The following MAZ variants were observed in gnomAD, a reference collection of about 807,000 sequenced individuals.
MAZ encodes MYC associated zinc finger protein.
Under a neutral mutation model 32.7 loss-of-function variants are expected in MAZ, and 4 were observed. The ratio of observed to expected loss-of-function variants is 0.12; its 90% CI spans 0.06 to 0.28. The LOEUF (loss-of-function observed/expected upper bound fraction) is 0.28, where lower values mean the gene tolerates loss of function less well. MAZ is among the 10% of genes least tolerant of loss of function. The pLI is 1.00. For missense variants in MAZ, 763 were observed against 667.2 expected, an observed-to-expected ratio of 1.14 and a Z score of -1.58; for synonymous variants, 510 against 297.6, an observed-to-expected ratio of 1.71 and a Z score of -7.35.
rs573562358 is a variant in MAZ, at chr16:29,810,451, C to T, written c.*220C>T. On this transcript the variant is annotated 3_prime_UTR_variant, in exon 5 of 5. Coordinates refer to ENST00000322945, the MANE Select transcript of MAZ (RefSeq NM_002383.4). Reference sequence around the variant, plus strand: ...AGACCTGACCCCACACAAACCTGTCCCCTCGGTTGTGTTGAAGTCCCCTGG... The same window carrying T: ...AGACCTGACCCCACACAAACCTGTCTCCTCGGTTGTGTTGAAGTCCCCTGG... The T allele has an allele frequency of 1.4e-3, 1,027 of 715,906 alleles. 12 individuals are homozygous for T. Among genetic ancestry groups the T allele is most frequent in the South Asian group, 7.2e-3 (484 of 67,638 alleles). 44.3% of individuals were successfully genotyped at this position (715,906 alleles called of 1,614,324 possible).
At chr16:29,809,599 C>A (rs1458870175) in intron 4 of MAZ, 3 of 1,612,284 alleles carry the variant, frequency 1.9e-6, no homozygotes, top group African/African-American at 1.3e-5. Flanking sequence ...GCTCCAGGCC[C>A]CGCGGGCTGA....
At chr16:29,809,007 G>A (rs1368445104) in intron 4 of MAZ, 2 of 557,560 alleles carry the variant, frequency 3.6e-6, no homozygotes, top group Non-Finnish European at 3.1e-6. Flanking sequence ...CTGCTCTGGG[G>A]AAGGAGTAGT....
At position 29,811,005 on chromosome 16, in the gene MAZ, G is replaced by T. The variant is rs546735865; in HGVS notation, c.*774G>T. 93 of 450,672 alleles carry T rather than the reference G, an allele frequency of 2.1e-4. 3 individuals carry two copies. The highest frequency in any genetic ancestry group is 1.4e-3 in the South Asian group (90 of 63,380). The allele number at this position is 450,672 out of a possible 1,614,324, so 27.9% of individuals were successfully genotyped here. Reference sequence around the variant, plus strand: ...TGTCCCCCTCCCCTCTTCCACCCCAGCTCCAGCCCTGGTCTTGTCTTTTCA... The same window carrying T: ...TGTCCCCCTCCCCTCTTCCACCCCATCTCCAGCCCTGGTCTTGTCTTTTCA... On this transcript the variant is annotated 3_prime_UTR_variant, in exon 5 of 5. Transcript: ENST00000322945.
chr16:29,807,017 G>A lies in MAZ; in HGVS notation c.232G>A (p.Ala78Thr). 9.9e-7 allele frequency: 1 copy of A among 1,006,884 alleles called. No homozygotes were observed. The highest frequency in any genetic ancestry group is 1.2e-6 in the Non-Finnish European group (1 of 847,094). 62.4% of individuals were successfully genotyped at this position (1,006,884 alleles called of 1,614,324 possible). The change falls in exon 2 of 5, where the codon GCC (alanine) becomes ACC (threonine). Residue 78 changes from alanine to threonine, a missense_variant. Ala to Thr is a moderately conservative substitution (Grantham distance 58). Transcript: ENST00000322945. ...APPPTPQAPA[A>T]EPLQVDLLPV... ...CCCGCCCACGCCCCAGGCCCCGGCG[G>A]CCGAGCCCCTCCAGGTGGACTTGCT...
At chr16:29,809,597 C>G (rs775134041) in intron 4 of MAZ, 2 of 1,612,302 alleles carry the variant, frequency 1.2e-6, no homozygotes, top group African/African-American at 2.7e-5. Flanking sequence ...GGGCTCCAGG[C>G]CCCGCGGGCT....
Position 29,807,311 on chromosome 16 carries a change from G to C in MAZ, c.526G>C (p.Val176Leu), listed in dbSNP as rs748138200. The change falls in exon 2 of 5, where the codon GTC becomes CTC. Residue 176 changes from valine to leucine, a missense_variant. Coordinates refer to ENST00000322945, the MANE Select transcript of MAZ (RefSeq NM_002383.4). ...APTSTVAVAP[V>L]ASALEKKTKS... ...AACCTCGACGGTCGCCGTGGCCCCG[G>C]TCGCGTCTGCCTTGGAGAAGAAGAC... 1.0e-5 allele frequency: 16 copies of C among 1,592,096 alleles called. No homozygotes were observed. The highest frequency in any genetic ancestry group is 1.4e-5 in the Non-Finnish European group (16 of 1,170,950).
chr16:29,809,082 C>G (rs561862188), intron 4 of MAZ: 11 of 522,700 alleles, frequency 2.1e-5, no homozygotes, highest in African/African-American at 7.8e-5. Flanking sequence ...GGTCTTGTCT[C>G]CAGCTCCTGG....
Position 29,810,591 on chromosome 16 carries a change from C to G in MAZ, c.*360C>G, listed in dbSNP as rs1056099675. The G allele has an allele frequency of 5.8e-6, 4 of 686,460 alleles. No individual in the cohort carries two copies. The highest frequency in any genetic ancestry group is 2.0e-5 in the Admixed American group (1 of 48,988). The allele number at this position is 686,460 out of a possible 1,614,324, so 42.5% of individuals were successfully genotyped here. ...TTGTGAGCCTCTTCCCTCGACGGTC[C>G]TCTTCTCTCCTTCCAGTCCTCTCCC... is the stretch of plus-strand genomic sequence containing the variant. On this transcript the variant is annotated 3_prime_UTR_variant, in exon 5 of 5. Coordinates refer to ENST00000322945, the MANE Select transcript of MAZ (RefSeq NM_002383.4).
At position 29,811,115 on chromosome 16, in the gene MAZ, CCCTT is replaced by C. The variant is rs1567376284; in HGVS notation, c.*889_*892del. ...CCCCTGCATGTACCCCACCCTCCACCCCTTCCTTTTGCGCGGACCCCATTACAAT... is the reference window on the plus strand; with the variant it reads ...CCCCTGCATGTACCCCACCCTCCACCCCTTTTGCGCGGACCCCATTACAAT... On this transcript the variant is annotated 3_prime_UTR_variant, in exon 5 of 5. Transcript: ENST00000322945. 1 of 448,514 alleles carries C rather than the reference CCCTT, an allele frequency of 2.2e-6. No individual in the cohort carries two copies. The highest frequency in any genetic ancestry group is 4.5e-6 in the Non-Finnish European group (1 of 223,556). The allele number at this position is 448,514 out of a possible 1,614,324, so 27.8% of individuals were successfully genotyped here.
chr16:29,809,304 A>G, intron 4 of MAZ: 2 of 555,630 alleles, frequency 3.6e-6, no homozygotes, highest in South Asian at 4.8e-5. Context: ...GGCCATGGAG[A>G]ATGAGTTCTG....
chr16:29,807,009 C>T lies in MAZ; in HGVS notation c.224C>T (p.Ala75Val). Reference protein sequence around the residue: ...AAPAPPPTPQAPAAEPLQVDL... With the variant: ...AAPAPPPTPQVPAAEPLQVDL... The stretch of plus-strand genomic sequence containing the variant: ...CCGGCGCCCCCGCCCACGCCCCAGG[C>T]CCCGGCGGCCGAGCCCCTCCAGGTG... Residue 75 changes from alanine (A) to valine (V), a missense_variant, in exon 2 of 5, where the codon GCC (alanine) becomes GTC (valine). Coordinates refer to ENST00000322945, the MANE Select transcript of MAZ (RefSeq NM_002383.4). 9.9e-7 allele frequency: 1 copy of T among 1,007,958 alleles called. No homozygotes were observed. Among genetic ancestry groups the T allele is most frequent in the Non-Finnish European group, 1.2e-6 (1 of 847,850 alleles). 62.4% of individuals were successfully genotyped at this position (1,007,958 alleles called of 1,614,324 possible).
chr16:29,810,227 G>T lies in MAZ; in HGVS notation c.1430G>T (p.Trp477Leu), dbSNP rs1271477973. The T allele has an allele frequency of 3.8e-6, 6 of 1,589,738 alleles. No individual in the cohort carries two copies. Among genetic ancestry groups the T allele is most frequent in the Non-Finnish European group, 5.1e-6 (6 of 1,168,004 alleles). ...VSSQPLPSQP[W>L] ...TCTCAGCCACTTCCCTCCCAACCCT[G>T]GTGAGCTCCAAGTTGGTTGCGGGGG... The change falls in exon 5 of 5, where the codon TGG becomes TTG. Residue 477 changes from tryptophan (W) to leucine (L), a missense_variant. Trp to Leu is a moderately conservative substitution (Grantham distance 61, BLOSUM62 -2). Coordinates refer to ENST00000322945, the MANE Select transcript of MAZ (RefSeq NM_002383.4).
intron 4 of MAZ, chr16:29,809,783 CTGGGGGGCGGGA>C: frequency 1.6e-6 from 2 of 1,287,124 alleles, no homozygotes; most frequent in South Asian, 1.6e-5. Context: ...TGGGGCATGG[CTGGGGGGCGGGA>C]TGGGGGGTGT....
chr16:29,810,698 A>G lies in MAZ; in HGVS notation c.*467A>G. ...TTTTCCAGGGGGAGGGAGGAGAGGA[A>G]GGAGGGGGATCAGAGCTGTCCCAAA... On this transcript the variant is annotated 3_prime_UTR_variant, in exon 5 of 5. Coordinates refer to ENST00000322945, the MANE Select transcript of MAZ (RefSeq NM_002383.4). 2.2e-6 allele frequency: 1 copy of G among 460,012 alleles called. No individual in the cohort carries two copies. Among genetic ancestry groups the G allele is most frequent in the African/African-American group, 2.0e-5 (1 of 49,484 alleles). The allele number at this position is 460,012 out of a possible 1,614,324, so 28.5% of individuals were successfully genotyped here. A position where few individuals can be genotyped will look rare whatever the true frequency, so the allele number is the denominator to read the frequency against.
chr16:29,808,375 C>CT, intron 3 of MAZ, 82 bp downstream of exon 3: 1 of 1,383,466 alleles, frequency 7.2e-7, no homozygotes. Flanking sequence ...CTCAGACCCC[C>CT]TTTTTCTCTC....
chr16:29,809,032 C>A, intron 4 of MAZ: 1 of 545,340 alleles, frequency 1.8e-6, no homozygotes, highest in East Asian at 3.1e-5. Context: ...AAAGCCAGTT[C>A]CAGGGGTCAC....
chr16:29,810,126 GGCAGCAGCGGCAGCAGTA>G lies in MAZ; in HGVS notation c.1335_1352del (p.Ala446_Ala451del), dbSNP rs1020884273. ...CGGCGGCAGCGGCAGCGGCGGCAGC[GGCAGCAGCGGCAGCAGTA>G]GCAGCCCCTCCCACAGCTGTGGGCT... On this transcript the variant is annotated inframe_deletion, in exon 5 of 5. Coordinates refer to ENST00000322945, the MANE Select transcript of MAZ (RefSeq NM_002383.4). The G allele has an allele frequency of 2.5e-6, 4 of 1,591,478 alleles. No individual in the cohort carries two copies. The highest frequency in any genetic ancestry group is 3.4e-6 in the Non-Finnish European group (4 of 1,164,690).
In MAZ at chr16:29,810,304, T is replaced by C; in HGVS notation, c.*73T>C. 1 of 1,431,774 alleles carries C rather than the reference T, an allele frequency of 7.0e-7. No homozygotes were observed. The highest frequency in any genetic ancestry group is 9.6e-7 in the Non-Finnish European group (1 of 1,041,736). The allele number at this position is 1,431,774 out of a possible 1,614,324, so 88.7% of individuals were successfully genotyped here. On this transcript the variant is annotated 3_prime_UTR_variant, in exon 5 of 5. Coordinates refer to ENST00000322945, the MANE Select transcript of MAZ (RefSeq NM_002383.4). ...TGGTACAAGCTCCTCTCCCCCCTCTTTTCCCACCAACTCCTATTTCCCTAC... is the reference window on the plus strand; with the variant it reads ...TGGTACAAGCTCCTCTCCCCCCTCTCTTCCCACCAACTCCTATTTCCCTAC...
chr16:29,808,801 C>T (rs912832257), intron 4 of MAZ, 60 bp downstream of exon 4: 6 of 1,556,422 alleles, frequency 3.9e-6, no homozygotes, highest in East Asian at 2.3e-5. Flanking sequence ...GGCCAGACGC[C>T]TTGCCACGGA....
Sources: gnomAD v4.1 joint callset for allele counts on GRCh38, gnomAD v4.1.1 for gene constraint, MANE v1.5 for transcripts, NCBI Gene and HGNC (gene_info 2026-07-23, HGNC 2026-07-21) for gene names.